The following MGST2 variants were observed in gnomAD, a reference collection of about 807,000 sequenced individuals.
The protein encoded by MGST2 is glutathione peroxidase MGST2.
MGST2 carries 9 observed loss-of-function variants against 16.6 expected under a neutral mutation model. The observed-to-expected ratio is 0.54, with a 90% CI of 0.33 to 0.95. MGST2 has a LOEUF of 0.95. Among genes scored for constraint, MGST2 ranks in the 40% least tolerant of loss-of-function variants. The probability of loss-of-function intolerance (pLI) is 0.03; values close to 1 mark genes in which losing one functional copy is unlikely to be tolerated. For missense variants in MGST2, 159 were observed against 175.1 expected (o/e 0.91, Z 0.52); for synonymous variants, 79 against 68.0 (o/e 1.16, Z -0.79).
chr4:139,749,888 C>T, the MGST2 span, among the ~76,000 whole-genome samples: 1 of 107,440 alleles, frequency 9.3e-6, no homozygotes, highest in South Asian at 2.8e-4. Context: ...AATAAGAACC[C>T]CCCCCCACCC....
chr4:139,681,696 A>G (rs1731249059), intron 2 of MGST2, among the ~76,000 whole-genome samples: 1 of 152,054 alleles, frequency 6.6e-6, no homozygotes, highest in South Asian at 2.1e-4. Flanking sequence ...GTTTCTTCCA[A>G]GTATCTTTGT....
chr4:139,751,245 T>C, the MGST2 span, among the ~76,000 whole-genome samples: 1 of 152,244 alleles, frequency 6.6e-6, no homozygotes. Flanking sequence ...AAAATATTAC[T>C]TGGAGTAGTC....
intron 2 of MGST2, among the ~76,000 whole-genome samples, chr4:139,684,852 C>A (rs941616817): frequency 6.6e-6 from 1 of 152,192 alleles, no homozygotes; most frequent in Non-Finnish European, 1.5e-5. Flanking sequence ...AAGTCCCTAA[C>A]AGTCTCTGGT....
chr4:139,714,620 G>T (rs976172069), intron 5 of MGST2, among the ~76,000 whole-genome samples: 1 of 152,212 alleles, frequency 6.6e-6, no homozygotes, highest in Non-Finnish European at 1.5e-5. Flanking sequence ...TTGCCCTCAG[G>T]TGGGCCCTGT....
intron 5 of MGST2, among the ~76,000 whole-genome samples, chr4:139,721,497 A>G (rs1446581690): frequency 2.0e-5 from 3 of 152,196 alleles, no homozygotes; most frequent in African/African-American, 7.2e-5. Flanking sequence ...GTGATGAGAA[A>G]CCAGATGAGA....
At position 139,693,268 on chromosome 4, in the gene MGST2, G is replaced by A. The variant is rs767934257; in HGVS notation, c.159-1929G>A. On this transcript the variant is annotated intron_variant, in intron 2 of 4. Transcript: ENST00000265498. ...AAAATACAAAAAATTAGCCGGGCGCGGTGGCAGGTGCCTGTAGTCCCAGCT... is the reference window on the plus strand; with the variant it reads ...AAAATACAAAAAATTAGCCGGGCGCAGTGGCAGGTGCCTGTAGTCCCAGCT... 1.6e-4 allele frequency among the ~76,000 whole-genome samples: 25 copies of A among 152,222 alleles called. No individual in the cohort carries two copies. In the South Asian group the frequency reaches 2.9e-3, roughly 18 times the overall value.
At chr4:139,725,765 A>G (rs756861133) in intron 5 of MGST2, 2 of 1,613,872 alleles carry the variant, frequency 1.2e-6, no homozygotes, top group East Asian at 2.2e-5. Context: ...AAACTGATTG[A>G]CCTGCTGCAC....
chr4:139,666,939 G>C (rs753166625), intron 1 of MGST2, among the ~76,000 whole-genome samples: 6 of 152,216 alleles, frequency 3.9e-5, no homozygotes, highest in Non-Finnish European at 5.9e-5. Flanking sequence ...AGTCTGTTTT[G>C]AGATTGTATG....
chr4:139,700,127 CTTTTTTTTTTT>C (rs56662682), intron 3 of MGST2, among the ~76,000 whole-genome samples: 1 of 82,974 alleles, frequency 1.2e-5, no homozygotes, highest in African/African-American at 5.1e-5. Flanking sequence ...TTTGGTTTTG[CTTTTTTTTTTT>C]TTTTTTTTTT....
downstream of MGST2, among the ~76,000 whole-genome samples, chr4:139,741,746 C>CA (rs1415613299): frequency 4.6e-5 from 7 of 152,090 alleles, no homozygotes; most frequent in East Asian, 1.9e-4. Flanking sequence ...GACCCTGTCT[C>CA]AAAAAAAATT....
intron 1 of MGST2, among the ~76,000 whole-genome samples, chr4:139,673,123 A>G (rs974789387): frequency 3.9e-5 from 6 of 152,236 alleles, no homozygotes; most frequent in Non-Finnish European, 8.8e-5. Flanking sequence ...ATTAGCAGGT[A>G]GGAAACAGAT....
chr4:139,707,252 C>T (rs1281402546), downstream of MGST2, among the ~76,000 whole-genome samples: 3 of 151,814 alleles, frequency 2.0e-5, no homozygotes, highest in Admixed American at 6.6e-5. Flanking sequence ...CTTCCTGTGT[C>T]CATGTGTTCT....
intron 3 of MGST2, among the ~76,000 whole-genome samples, chr4:139,699,238 A>G (rs780334554): frequency 3.3e-5 from 5 of 152,252 alleles, no homozygotes; most frequent in Non-Finnish European, 7.3e-5. Context: ...CAGTATTTCT[A>G]TAGTTAATTT....
At chr4:139,667,522 G>C (rs1442369069) in intron 1 of MGST2, among the ~76,000 whole-genome samples, 1 of 151,966 alleles carries the variant, frequency 6.6e-6, no homozygotes, top group Non-Finnish European at 1.5e-5. Flanking sequence ...GAGGAGAGGA[G>C]ACTGGGTGAA....
chr4:139,716,004 G>A (rs192368569), intron 5 of MGST2, among the ~76,000 whole-genome samples: 4 of 152,238 alleles, frequency 2.6e-5, no homozygotes, highest in East Asian at 3.9e-4. Context: ...CAAGTGATCC[G>A]CTTGCCTTGC....
downstream of MGST2, among the ~76,000 whole-genome samples, chr4:139,742,812 T>C (rs1440638320): frequency 6.6e-6 from 1 of 152,230 alleles, no homozygotes; most frequent in East Asian, 1.9e-4. Flanking sequence ...TGGGAAACTT[T>C]TAGTGAGGAA....
the MGST2 span, among the ~76,000 whole-genome samples, chr4:139,746,200 T>C: frequency 6.6e-6 from 1 of 152,232 alleles, no homozygotes; most frequent in Non-Finnish European, 1.5e-5. Context: ...AGAAATGGTA[T>C]GTTATATTTT....
At chr4:139,675,882 G>A (rs1380625339) in intron 1 of MGST2, among the ~76,000 whole-genome samples, 1 of 152,176 alleles carries the variant, frequency 6.6e-6, no homozygotes, top group Non-Finnish European at 1.5e-5. Context: ...TGTCATGCAT[G>A]CATTCCGGAG....
At chr4:139,705,878 G>A (rs1727501191), downstream of MGST2, among the ~76,000 whole-genome samples, 2 of 152,190 alleles carry the variant, frequency 1.3e-5, no homozygotes, top group Admixed American at 1.3e-4. Context: ...AAATGCAGAT[G>A]ACTTTTCCTC....
Sources: gnomAD v4.1 joint callset for allele counts (sites outside exome capture counted in the v4.1 genomes callset) on GRCh38, gnomAD v4.1.1 for gene constraint, MANE v1.5 for transcripts, NCBI Gene and HGNC (gene_info 2026-07-23, HGNC 2026-07-21) for gene names.